TSPAN7: variants seen among roughly 807,000 people sequenced by gnomAD.
TSPAN7 encodes tetraspanin-7.
Under a neutral mutation model 17.6 loss-of-function variants are expected in TSPAN7, and 1 was observed. That is an observed-to-expected ratio of 0.06 (90% CI 0.02 to 0.27). The LOEUF is 0.27. TSPAN7 is among the 10% of genes least tolerant of loss of function. The probability of loss-of-function intolerance (pLI) is 1.00; values close to 1 mark genes in which losing one functional copy is unlikely to be tolerated. For synonymous variants in TSPAN7, 78 were observed against 79.0 expected (o/e 0.99, Z 0.07); for missense variants, 112 against 201.7 (o/e 0.56, Z 2.69).
intron 1 of TSPAN7, among the ~76,000 whole-genome samples, chrX:38,634,848 C>T (rs916067992): frequency 1.8e-5 from 2 of 110,892 alleles, no homozygotes; most frequent in Non-Finnish European, 3.8e-5. Context: ...AGCACTTGAA[C>T]CTCAGCCAGA....
At chrX:38,617,142 G>A (rs1352626671) in intron 1 of TSPAN7, among the ~76,000 whole-genome samples, 2 of 111,708 alleles carry the variant, frequency 1.8e-5, no homozygotes, top group African/African-American at 3.3e-5. Context: ...GGTTGCATTC[G>A]GCCCGAGAGT....
intron 2 of TSPAN7, among the ~76,000 whole-genome samples, chrX:38,668,324 G>C (rs1335358556): frequency 8.9e-6 from 1 of 111,827 alleles, no homozygotes; most frequent in Non-Finnish European, 1.9e-5. Flanking sequence ...CCATAGCTGA[G>C]TATAATGTCA....
Position 38,581,424 on chromosome X carries a change from G to C in TSPAN7, c.81+19797G>C, listed in dbSNP as rs776875808. Among the ~76,000 whole-genome samples, 133 of 111,673 alleles carry C rather than the reference G, an allele frequency of 1.2e-3. 1 individual carries two copies. The highest frequency in any genetic ancestry group is 1.9e-3 in the Non-Finnish European group (101 of 53,110). On this transcript the variant is annotated intron_variant, in intron 1 of 7. Transcript: ENST00000378482. ...CAGGCAAGAGAGAGAGCATGTGTAG[G>C]AGAACTCCCTTTATAAAACCATCAG...
chrX:38,671,560 G>A, intron 3 of TSPAN7, 110 bp downstream of exon 3: 1 of 763,015 alleles, frequency 1.3e-6, no homozygotes, highest in Non-Finnish European at 2.0e-6. Flanking sequence ...TTTCCTCAGT[G>A]GTGTTGTTGT....
intron 1 of TSPAN7, among the ~76,000 whole-genome samples, chrX:38,612,933 G>A (rs1240936302): frequency 9.0e-6 from 1 of 111,668 alleles, no homozygotes; most frequent in African/African-American, 3.3e-5. Context: ...CATGACATGG[G>A]TTTGTTTTCA....
rs149810493 is a variant in TSPAN7, at chrX:38,582,369, G to A, written c.81+20742G>A. Reference sequence around the variant, plus strand: ...TGTTTCTTAAGTTATATTAGTTAATGCACATGTATTCTACTTCTATTACTA... The same window carrying A: ...TGTTTCTTAAGTTATATTAGTTAATACACATGTATTCTACTTCTATTACTA... On this transcript the variant is annotated intron_variant, in intron 1 of 7. Coordinates refer to ENST00000378482, the MANE Select transcript of TSPAN7 (RefSeq NM_004615.4). Among the ~76,000 whole-genome samples the A allele has an allele frequency of 6.1e-3, 685 of 111,958 alleles. 3 individuals are homozygous for A. Among genetic ancestry groups the A allele is most frequent in the Non-Finnish European group, 8.7e-3 (464 of 53,164 alleles).
rs766169220 is a variant in TSPAN7 at position 38,617,172 on chromosome X, C to T, written c.82-48949C>T. Among the ~76,000 whole-genome samples, 3 of 111,866 alleles carry T rather than the reference C, an allele frequency of 2.7e-5. No individual in the cohort carries two copies. In the East Asian group the frequency reaches 8.5e-4, roughly 32 times the overall value. On this transcript the variant is annotated intron_variant, in intron 1 of 7. Transcript: ENST00000378482. ...GAGAGTGCTGGTTTTCCCACTTTCT[C>T]GTGCTGAAGAATCATCTTTTTCAAG...
At chrX:38,625,031 A>T (rs772641119) in intron 1 of TSPAN7, among the ~76,000 whole-genome samples, 1 of 112,338 alleles carries the variant, frequency 8.9e-6, no homozygotes, top group East Asian at 2.8e-4. Flanking sequence ...TTACTCATTT[A>T]TGGAAGATAT....
chrX:38,595,273 G>A (rs182064669), intron 1 of TSPAN7, among the ~76,000 whole-genome samples: 112 of 111,276 alleles, frequency 1.0e-3, no homozygotes, highest in African/African-American at 3.6e-3. Context: ...AAACAAATTT[G>A]TACAGGAATA....
chrX:38,571,865 C>T (rs2069171099), intron 1 of TSPAN7, among the ~76,000 whole-genome samples: 1 of 111,078 alleles, frequency 9.0e-6, no homozygotes, highest in Non-Finnish European at 1.9e-5. Context: ...ATCTGTGGTA[C>T]CATAAAGCTG....
intron 1 of TSPAN7, among the ~76,000 whole-genome samples, chrX:38,627,601 C>G (rs1016801843): frequency 8.9e-5 from 10 of 111,797 alleles, no homozygotes; most frequent in African/African-American, 3.3e-4. Flanking sequence ...CAGTCAAGAT[C>G]ATGAGAGCCA....
At chrX:38,668,075 T>A in intron 2 of TSPAN7, among the ~76,000 whole-genome samples, 1 of 111,907 alleles carries the variant, frequency 8.9e-6, no homozygotes, top group Non-Finnish European at 1.9e-5. Context: ...TAAAAAACCA[T>A]CCATTCAAAC....
intron 1 of TSPAN7, among the ~76,000 whole-genome samples, chrX:38,612,884 T>C (rs1034072864): frequency 2.7e-5 from 3 of 111,705 alleles, no homozygotes; most frequent in Non-Finnish European, 5.6e-5. Flanking sequence ...TTATAAAGTC[T>C]TTTTGTCCCC....
chrX:38,591,916 T>C (rs2069294500), intron 1 of TSPAN7, among the ~76,000 whole-genome samples: 1 of 111,934 alleles, frequency 8.9e-6, no homozygotes, highest in Admixed American at 9.5e-5. Context: ...ACTGAGTAAT[T>C]GATAAAGAAA....
chrX:38,592,856 A>T (rs940239384), intron 1 of TSPAN7, among the ~76,000 whole-genome samples: 1 of 111,222 alleles, frequency 9.0e-6, no homozygotes, highest in African/African-American at 3.3e-5. Flanking sequence ...TTTCCCAAGC[A>T]GTTATTTCAG....
At chrX:38,676,000 T>TCTCCCA in intron 5 of TSPAN7, 140 bp downstream of exon 5, 1 of 779,560 alleles carries the variant, frequency 1.3e-6, no homozygotes, top group Non-Finnish European at 1.9e-6. Context: ...CTTGATTGCC[T>TCTCCCA]GGGAGAGGCA....
At chrX:38,596,969 T>A (rs2069321621) in intron 1 of TSPAN7, among the ~76,000 whole-genome samples, 2 of 111,362 alleles carry the variant, frequency 1.8e-5, no homozygotes, top group Admixed American at 9.6e-5. Context: ...TGAGAGACAC[T>A]TTTGAACTCA....
intron 1 of TSPAN7, among the ~76,000 whole-genome samples, chrX:38,569,772 G>A (rs1185152986): frequency 9.0e-6 from 1 of 111,205 alleles, no homozygotes; most frequent in African/African-American, 3.3e-5. Flanking sequence ...TGGAGTTTTG[G>A]GAGATAGCCA....
At chrX:38,590,071 A>G (rs2069282291) in intron 1 of TSPAN7, among the ~76,000 whole-genome samples, 1 of 112,386 alleles carries the variant, frequency 8.9e-6, no homozygotes. Flanking sequence ...GTCATAATGT[A>G]TTATCCTTTT....
Sources: gnomAD v4.1 joint callset for allele counts (sites outside exome capture counted in the v4.1 genomes callset) on GRCh38, gnomAD v4.1.1 for gene constraint, MANE v1.5 for transcripts, NCBI Gene and HGNC (gene_info 2026-07-23, HGNC 2026-07-21) for gene names.